The following RAD51B variants were observed in gnomAD, a reference collection of about 807,000 sequenced individuals.
The protein encoded by RAD51B is RAD51 paralog B, also known as DNA repair protein RAD51 homolog 2.
In RAD51B, 38 loss-of-function variants were observed where a neutral mutation model predicts 42.2. The observed-to-expected ratio is 0.90, with a 90% CI of 0.70 to 1.18. The LOEUF (loss-of-function observed/expected upper bound fraction) is 1.18, where lower values mean the gene tolerates loss of function less well. Among genes scored for constraint, RAD51B ranks in the 50% most tolerant of loss-of-function variants. The pLI is 0.00. For missense variants in RAD51B, 373 were observed against 400.7 expected (o/e 0.93, Z 0.59); for synonymous variants, 154 against 145.2 (o/e 1.06, Z -0.43).
intron 10 of RAD51B, among the ~76,000 whole-genome samples, chr14:68,606,802 C>A (rs569921366): frequency 8.5e-5 from 13 of 152,324 alleles, no homozygotes; most frequent in African/African-American, 2.6e-4. Context: ...CCCACCTTTC[C>A]CACTGCATTG....
intron 7 of RAD51B, among the ~76,000 whole-genome samples, chr14:68,163,433 A>G (rs2078685780): frequency 6.6e-6 from 1 of 152,166 alleles, no homozygotes; most frequent in African/African-American, 2.4e-5. Flanking sequence ...GATATCTCAC[A>G]TGGATGACTT....
At chr14:68,567,890 G>C (rs1404081467) in intron 10 of RAD51B, among the ~76,000 whole-genome samples, 3 of 152,242 alleles carry the variant, frequency 2.0e-5, no homozygotes, top group Admixed American at 6.5e-5. Flanking sequence ...TGCCTGGCCT[G>C]TGGCAGGAGT....
chr14:68,124,341 T>G (rs199974032), intron 7 of RAD51B, among the ~76,000 whole-genome samples: 2 of 152,226 alleles, frequency 1.3e-5, no homozygotes, highest in East Asian at 3.9e-4. Flanking sequence ...ACAATAGTAT[T>G]GGTACCTGTC....
At chr14:68,030,930 A>G (rs539253622) in intron 7 of RAD51B, among the ~76,000 whole-genome samples, 11 of 152,268 alleles carry the variant, frequency 7.2e-5, no homozygotes, top group African/African-American at 2.6e-4. Flanking sequence ...GCCTGAAGAG[A>G]GGGAGAGAGA....
At position 67,940,039 on chromosome 14, in the gene RAD51B, TATATATATATATATA is replaced by T. The variant is rs1429450736; in HGVS notation, c.756+52836_756+52850del. Among the ~76,000 whole-genome samples, 11 of 12,410 alleles carry T rather than the reference TATATATATATATATA, an allele frequency of 8.9e-4. No individual in the cohort carries two copies. The South Asian group carries it at 0.01, about 11-fold the overall frequency. The allele number at this position is 12,410 out of a possible 152,430, so 8.1% of individuals were successfully genotyped here. A position where few individuals can be genotyped will look rare whatever the true frequency, so the allele number is the denominator to read the frequency against. ...TGATAGATGCATATATATATATATA[TATATATATATATATA>T]TTTTTTTTTTTTTTTTTTTTTTTTT... On this transcript the variant is annotated intron_variant, in intron 7 of 10. Coordinates refer to ENST00000471583, the MANE Select transcript of RAD51B (RefSeq NM_133510.4).
At chr14:68,329,681 A>G (rs2082310341) in intron 8 of RAD51B, among the ~76,000 whole-genome samples, 1 of 152,194 alleles carries the variant, frequency 6.6e-6, no homozygotes, top group Non-Finnish European at 1.5e-5. Context: ...AAATAAGTTA[A>G]TGTTAAAAAT....
chr14:68,129,152 G>T (rs933480971), intron 7 of RAD51B, among the ~76,000 whole-genome samples: 5 of 152,116 alleles, frequency 3.3e-5, no homozygotes, highest in Admixed American at 6.6e-5. Flanking sequence ...TTTGTTTAAG[G>T]TTACACAGCA....
At chr14:68,287,301 A>C (rs893505498) in intron 7 of RAD51B, among the ~76,000 whole-genome samples, 2 of 152,228 alleles carry the variant, frequency 1.3e-5, no homozygotes, top group Non-Finnish European at 2.9e-5. Flanking sequence ...CATTTCCTAT[A>C]CAGGTGCACC....
intron 7 of RAD51B, among the ~76,000 whole-genome samples, chr14:67,909,481 G>A (rs1221538146): frequency 6.6e-6 from 1 of 152,138 alleles, no homozygotes. Context: ...GACTTATTCT[G>A]TACTTATCAT....
At chr14:68,545,491 T>C in intron 10 of RAD51B, 1 of 452,566 alleles carries the variant, frequency 2.2e-6, no homozygotes, top group Non-Finnish European at 4.4e-6. Context: ...GGAACAATAT[T>C]GCCCTTGTCT....
At chr14:68,476,814 G>C (rs1399986683) in intron 10 of RAD51B, among the ~76,000 whole-genome samples, 1 of 152,140 alleles carries the variant, frequency 6.6e-6, no homozygotes, top group Non-Finnish European at 1.5e-5. Flanking sequence ...CTACCTACTG[G>C]GGTGTCTGTG....
At chr14:68,133,663 G>A (rs1448290283) in intron 7 of RAD51B, among the ~76,000 whole-genome samples, 5 of 152,022 alleles carry the variant, frequency 3.3e-5, no homozygotes, top group Non-Finnish European at 7.4e-5. Context: ...TAGTAGAGAC[G>A]GAGTTTCACC....
At chr14:68,173,341 G>T (rs2078907689) in intron 7 of RAD51B, among the ~76,000 whole-genome samples, 1 of 152,130 alleles carries the variant, frequency 6.6e-6, no homozygotes, top group Admixed American at 6.5e-5. Flanking sequence ...TATATTCTTT[G>T]CAAAGAGCTG....
chr14:68,189,848 T>G (rs1166977677), intron 7 of RAD51B, among the ~76,000 whole-genome samples: 2 of 152,068 alleles, frequency 1.3e-5, no homozygotes, highest in Non-Finnish European at 2.9e-5. Flanking sequence ...GTATTTTTAG[T>G]AGAGATTAGA....
chr14:68,182,488 C>A (rs2140886171), intron 7 of RAD51B, among the ~76,000 whole-genome samples: 1 of 152,232 alleles, frequency 6.6e-6, no homozygotes, highest in South Asian at 2.1e-4. Flanking sequence ...TTTATATATT[C>A]CAGTTTCTGA....
At chr14:68,254,439 A>T (rs2080707819) in intron 7 of RAD51B, among the ~76,000 whole-genome samples, 1 of 152,088 alleles carries the variant, frequency 6.6e-6, no homozygotes, top group South Asian at 2.1e-4. Flanking sequence ...ATTTCCTTCA[A>T]TTTTGATTGT....
At chr14:68,488,156 T>C (rs938323916) in intron 10 of RAD51B, among the ~76,000 whole-genome samples, 2 of 151,196 alleles carry the variant, frequency 1.3e-5, no homozygotes, top group Non-Finnish European at 2.9e-5. Flanking sequence ...AGTGTGTTGA[T>C]GGCACCAGGA....
intron 10 of RAD51B, among the ~76,000 whole-genome samples, chr14:68,501,930 G>C (rs886274851): frequency 6.6e-6 from 1 of 152,254 alleles, no homozygotes; most frequent in African/African-American, 2.4e-5. Flanking sequence ...GCGGAGCCGA[G>C]TGTTCCTCTT....
At chr14:67,954,108 C>T (rs1420337206) in intron 7 of RAD51B, among the ~76,000 whole-genome samples, 1 of 152,142 alleles carries the variant, frequency 6.6e-6, no homozygotes, top group African/African-American at 2.4e-5. Context: ...CTTGCAGACT[C>T]TTCTGTACTC....
Sources: allele counts gnomAD v4.1 joint callset (sites outside exome capture counted in the v4.1 genomes callset), GRCh38; gene constraint gnomAD v4.1.1; transcripts MANE v1.5; gene names NCBI Gene and HGNC (gene_info 2026-07-23, HGNC 2026-07-21).